KDM5C: variants seen among roughly 807,000 people sequenced by gnomAD.
KDM5C encodes the protein lysine-specific demethylase 5C.
Under a neutral mutation model 110.6 loss-of-function variants are expected in KDM5C, and 16 were observed. The ratio of observed to expected loss-of-function variants is 0.14; its 90% CI spans 0.10 to 0.22. The LOEUF is 0.22. Ranked by LOEUF, KDM5C falls within the 10% of genes least tolerant of loss-of-function variation. The pLI, the probability that KDM5C is intolerant of heterozygous loss-of-function variation, is 1.00. For missense variants in KDM5C, 681 were observed against 1,300.9 expected, an observed-to-expected ratio of 0.52 and a Z score of 7.33; for synonymous variants, 511 against 520.4, an observed-to-expected ratio of 0.98 and a Z score of 0.24.
At chrX:53,206,614 A>G (rs1556845378) in intron 12 of KDM5C, among the ~76,000 whole-genome samples, 1 of 110,822 alleles carries the variant, frequency 9.0e-6, no homozygotes, top group African/African-American at 3.3e-5. Flanking sequence ...TTATAATCTC[A>G]GCAGTTTGAG....
rs782489275 is a variant in KDM5C, at chrX:53,199,081, C to T, written c.2139G>A (p.Thr713=). The change falls in exon 15 of 26, where the codon ACG becomes ACA. Residue 713 remains threonine, a synonymous_variant. Coordinates refer to ENST00000375401, the MANE Select transcript of KDM5C (RefSeq NM_004187.5). ...AGCAGGCCAGGGCTGACAGGAAACACGTAGTCTTGCACTTGATACACTGGC... is the reference window on the plus strand; with the variant it reads ...AGCAGGCCAGGGCTGACAGGAAACATGTAGTCTTGCACTTGATACACTGGC... ...DERQCIKCKT[T]CFLSALACYD... 14 of 1,210,567 alleles carry T rather than the reference C, an allele frequency of 1.2e-5. No homozygotes were observed. Among genetic ancestry groups the T allele is most frequent in the Middle Eastern group, 2.3e-4 (1 of 4,376 alleles).
chrX:53,200,625 T>C (rs2073110887), intron 14 of KDM5C, among the ~76,000 whole-genome samples: 1 of 111,796 alleles, frequency 8.9e-6, no homozygotes, highest in African/African-American at 3.3e-5. Context: ...GTAGCTATAG[T>C]TCTCCCTATA....
chrX:53,197,562 A>G (rs1569262107), intron 18 of KDM5C: 1 of 436,321 alleles, frequency 2.3e-6, no homozygotes. Context: ...TCTGTATCCT[A>G]TACCCATACC....
chrX:53,179,346 G>A (rs370823889), intron 25 of KDM5C, among the ~76,000 whole-genome samples: 1 of 111,251 alleles, frequency 9.0e-6, no homozygotes, highest in African/African-American at 3.3e-5. Context: ...ACAAGACACT[G>A]TCAAGAGAAT....
At position 53,195,297 on chromosome X, in the gene KDM5C, C is replaced by T. The variant is rs1934752108; in HGVS notation, c.3234G>A (p.Ala1078=). The T allele has an allele frequency of 8.3e-7, 1 of 1,205,101 alleles. No homozygotes were observed. Among genetic ancestry groups the T allele is most frequent in the Non-Finnish European group, 1.1e-6 (1 of 891,695 alleles). The change falls in exon 21 of 26, where the codon GCG becomes GCA. Residue 1078 remains alanine (A), a synonymous_variant. Coordinates refer to ENST00000375401, the MANE Select transcript of KDM5C (RefSeq NM_004187.5). The part of the protein sequence containing the change: ...LRQLELQVLT[A]HSWREKASKT... The stretch of plus-strand genomic sequence containing the variant: ...TGGAGGCCTTCTCCCTCCAGGAGTG[C>T]GCTGTCAGTACCTGTAGCTCTAGCT...
intron 12 of KDM5C, among the ~76,000 whole-genome samples, chrX:53,203,321 T>C (rs1898392970): frequency 5.4e-5 from 6 of 111,730 alleles, no homozygotes; most frequent in African/African-American, 2.0e-4. Flanking sequence ...TATATCTTGG[T>C]ATGAATTTCT....
chrX:53,184,690 C>A (rs1184248528), intron 25 of KDM5C, among the ~76,000 whole-genome samples: 1 of 112,217 alleles, frequency 8.9e-6, no homozygotes, highest in African/African-American at 3.2e-5. Context: ...ACGTATCCTA[C>A]TTTTAATATG....
intron 12 of KDM5C, among the ~76,000 whole-genome samples, chrX:53,203,396 T>C (rs2073213864): frequency 8.9e-6 from 1 of 111,763 alleles, no homozygotes; most frequent in Admixed American, 9.5e-5. Context: ...CAGGGAAATT[T>C]TCTTGAGTGA....
Position 53,218,407 on chromosome X carries a change from G to A in KDM5C, c.229-9C>T. 1 of 1,210,707 alleles carries A rather than the reference G, an allele frequency of 8.3e-7. No individual in the cohort carries two copies. Among genetic ancestry groups the A allele is most frequent in the Non-Finnish European group, 1.1e-6 (1 of 895,185 alleles). On this transcript the variant is annotated splice_polypyrimidine_tract_variant and intron_variant, in intron 2 of 25. Transcript: ENST00000375401. ...TTCACTCTCGTCTGGGCCTGAAGAA[G>A]AAATGGCTCAAAGAGGCTGGCCACC...
At position 53,196,919 on chromosome X, in the gene KDM5C, A is replaced by T; in HGVS notation, c.2748T>A (p.Pro916=). 8.3e-7 allele frequency: 1 copy of T among 1,201,100 alleles called. No homozygotes were observed. The highest frequency in any genetic ancestry group is 1.1e-6 in the Non-Finnish European group (1 of 889,719). Reference sequence around the variant, plus strand: ...CCTGCCGCTGGAGCTGCTGGGCCTCAGGCACCTCCACCCCCAGCTGCCGCC... The same window carrying T: ...CCTGCCGCTGGAGCTGCTGGGCCTCTGGCACCTCCACCCCCAGCTGCCGCC... ...ERGRQLGVEV[P]EAQQLQRQVE... Residue 916 remains proline (P), a synonymous_variant, in exon 19 of 26, where the codon CCT becomes CCA. Transcript: ENST00000375401.
In KDM5C at chrX:53,194,216, G is replaced by T. The variant is rs781820680; in HGVS notation, c.3961C>A (p.Pro1321Thr). ...LRQRLQAEPR[P>T]EEPPNYPAAP... is the part of the protein sequence containing the mutation. The stretch of plus-strand genomic sequence containing the variant: ...GCAGGGTAGTTAGGAGGCTCCTCAG[G>T]TCTAGGTTCAGCCTGTAGCCGTTGG... Residue 1321 changes from proline (P) to threonine (T), a missense_variant, in exon 23 of 26, where the codon CCT becomes ACT. Around this residue, in one of 14 missense-constraint regions of KDM5C, gnomAD observed 88 missense variants for 85.6 expected, o/e 1.03. Coordinates refer to ENST00000375401, the MANE Select transcript of KDM5C (RefSeq NM_004187.5). The T allele has an allele frequency of 2.1e-5, 26 of 1,211,645 alleles. No individual in the cohort carries two copies. Among genetic ancestry groups the T allele is most frequent in the Admixed American group, 4.3e-5 (2 of 46,113 alleles).
chrX:53,195,879 G>C (rs1556836309), intron 20 of KDM5C, 37 bp downstream of exon 20: 1 of 1,195,740 alleles, frequency 8.4e-7, no homozygotes, highest in Admixed American at 2.2e-5. Context: ...TTCCCAGCTG[G>C]ACTGAAGGCC....
downstream of KDM5C, among the ~76,000 whole-genome samples, chrX:53,188,101 G>A (rs910668539): frequency 9.0e-6 from 1 of 111,713 alleles, no homozygotes; most frequent in Non-Finnish European, 1.9e-5. Flanking sequence ...GAGAAAAATA[G>A]TAGTTAAGAA....
chrX:53,207,175 CT>C (rs2073365634), intron 12 of KDM5C, among the ~76,000 whole-genome samples: 1 of 37,102 alleles, frequency 2.7e-5, no homozygotes, highest in Non-Finnish European at 5.6e-5. Flanking sequence ...GAGACTCCTT[CT>C]CCAAAAAAAA....
chrX:53,193,968 A>C (rs1388331318), intron 23 of KDM5C, 117 bp from the exon 24 acceptor site: 1 of 946,417 alleles, frequency 1.1e-6, no homozygotes, highest in Non-Finnish European at 1.5e-6. Context: ...GGGAAGACAC[A>C]GGCTGCCAGC....
intron 25 of KDM5C, among the ~76,000 whole-genome samples, chrX:53,180,493 TG>T (rs782286764): frequency 9.1e-6 from 1 of 110,477 alleles, no homozygotes; most frequent in East Asian, 2.8e-4. Context: ...ATGTTGATAG[TG>T]GGGGAAGCTG....
chrX:53,217,152 C>T lies in KDM5C; in HGVS notation c.648G>A (p.Leu216=), dbSNP rs782355957. 1 of 1,208,150 alleles carries T rather than the reference C, an allele frequency of 8.3e-7. No individual in the cohort carries two copies. The highest frequency in any genetic ancestry group is 1.8e-5 in the South Asian group (1 of 56,217). Residue 216 remains leucine (L), a synonymous_variant, in exon 5 of 26, where the codon CTG becomes CTA. Transcript: ENST00000375401. Reference sequence around the variant, plus strand: ...GAAGGGGAGTACTCACATCAGGCTGCAGTCTCTTGGCCCGCCGGCCATAGC... The same window carrying T: ...GAAGGGGAGTACTCACATCAGGCTGTAGTCTCTTGGCCCGCCGGCCATAGC... ...FNSYGRRAKR[L]QPDPEPTEED...
chrX:53,221,850 A>C, intron 1 of KDM5C: 1 of 581,565 alleles, frequency 1.7e-6, no homozygotes, highest in Admixed American at 3.2e-5. Context: ...AGATCATGAA[A>C]GTGGGAGACA....
At chrX:53,219,650 G>A (rs2073845325) in intron 2 of KDM5C, among the ~76,000 whole-genome samples, 1 of 112,642 alleles carries the variant, frequency 8.9e-6, no homozygotes, top group East Asian at 2.8e-4. Flanking sequence ...GGGGAACAAA[G>A]ACAGCTCTTT....
Sources: allele counts gnomAD v4.1 joint callset (sites outside exome capture counted in the v4.1 genomes callset), GRCh38; gene constraint gnomAD v4.1.1; regional missense constraint gnomAD v4.1.1; transcripts MANE v1.5; gene names NCBI Gene and HGNC (gene_info 2026-07-23, HGNC 2026-07-21).